The following FHIT variants were observed in gnomAD, a reference collection of about 807,000 sequenced individuals.
FHIT encodes the protein fragile histidine triad diadenosine triphosphatase.
Under a neutral mutation model 17.9 loss-of-function variants are expected in FHIT, and 19 were observed. The observed-to-expected ratio is 1.06, with a 90% CI of 0.74 to 1.56. The LOEUF (loss-of-function observed/expected upper bound fraction) is 1.56, where lower values mean the gene tolerates loss of function less well. Among genes scored for constraint, FHIT ranks in the 40% most tolerant of loss-of-function variants. FHIT has a pLI of 0.00. For missense variants in FHIT, 248 were observed against 189.2 expected (o/e 1.31, Z -1.82); for synonymous variants, 81 against 69.7 (o/e 1.16, Z -0.81).
At chr3:60,477,976 G>T (rs80147986) in intron 5 of FHIT, among the ~76,000 whole-genome samples, 6 of 152,266 alleles carry the variant, frequency 3.9e-5, no homozygotes, top group South Asian at 2.1e-4. Context: ...ATAGAGAAGC[G>T]TGGAGATTCT....
intron 1 of FHIT, among the ~76,000 whole-genome samples, chr3:61,202,184 G>A (rs915816864): frequency 2.6e-5 from 4 of 152,064 alleles, no homozygotes; most frequent in Non-Finnish European, 4.4e-5. Context: ...CCAACCATCT[G>A]GGAAGTGAGG....
rs759923525 is a variant in FHIT at position 59,929,717 on chromosome 3, A to G, written c.280-7303T>C. On this transcript the variant is annotated intron_variant, in intron 7 of 9. Transcript: ENST00000492590. ...CAATAAGATTGTTTCCATTTGCTGA[A>G]TATCAACATCAAAAACTTACAGCAT... Among the ~76,000 whole-genome samples, 134 of 152,158 alleles carry G rather than the reference A, an allele frequency of 8.8e-4. 2 individuals carry two copies. Among genetic ancestry groups the G allele is most frequent in the South Asian group, 2.1e-4 (1 of 4,828 alleles).
intron 5 of FHIT, among the ~76,000 whole-genome samples, chr3:60,189,224 A>G (rs780766418): frequency 6.6e-6 from 1 of 151,316 alleles, no homozygotes; most frequent in Non-Finnish European, 1.5e-5. Context: ...CAGGTGTTCA[A>G]TTTAGAAGCT....
At chr3:59,935,774 GATGA>G (rs1047665100) in intron 7 of FHIT, among the ~76,000 whole-genome samples, 2 of 151,926 alleles carry the variant, frequency 1.3e-5, no homozygotes, top group African/African-American at 2.4e-5. Flanking sequence ...TGCATGGATG[GATGA>G]ATGGATGGTT....
chr3:60,536,826 A>G, intron 5 of FHIT, 34 bp downstream of exon 5: 1 of 1,567,218 alleles, frequency 6.4e-7, no homozygotes, highest in South Asian at 1.2e-5. Flanking sequence ...GAAGACTTTT[A>G]TTTTCCCTCT....
intron 2 of FHIT, among the ~76,000 whole-genome samples, chr3:61,076,989 T>C (rs115505444): frequency 6.6e-6 from 1 of 152,156 alleles, no homozygotes; most frequent in Non-Finnish European, 1.5e-5. Context: ...GGTGTGTAAA[T>C]ACCTAACCAA....
intron 5 of FHIT, among the ~76,000 whole-genome samples, chr3:60,107,501 T>G (rs1467651052): frequency 6.6e-6 from 1 of 152,098 alleles, no homozygotes; most frequent in Non-Finnish European, 1.5e-5. Context: ...AGAGGGAACA[T>G]GATGGGTGGA....
intron 2 of FHIT, among the ~76,000 whole-genome samples, chr3:61,076,269 G>C (rs144603520): frequency 6.6e-6 from 1 of 152,268 alleles, no homozygotes; most frequent in East Asian, 1.9e-4. Context: ...TCCCCATAGA[G>C]AAAATAAGCC....
chr3:60,254,516 A>G (rs1359854949), intron 5 of FHIT, among the ~76,000 whole-genome samples: 3 of 152,212 alleles, frequency 2.0e-5, no homozygotes, highest in Admixed American at 6.5e-5. Flanking sequence ...AATACATAAT[A>G]TAACTGGATT....
At chr3:60,245,845 C>T (rs1290960547) in intron 5 of FHIT, among the ~76,000 whole-genome samples, 2 of 151,862 alleles carry the variant, frequency 1.3e-5, no homozygotes, top group Non-Finnish European at 2.9e-5. Context: ...ATTATCTGGG[C>T]ATTAACAAGA....
At chr3:60,863,727 T>C (rs1300684496) in intron 3 of FHIT, among the ~76,000 whole-genome samples, 4 of 152,186 alleles carry the variant, frequency 2.6e-5, no homozygotes, top group African/African-American at 9.7e-5. Context: ...TAACAGCTCA[T>C]AATGGAAGTG....
chr3:59,866,763 A>C (rs528486244), intron 8 of FHIT, among the ~76,000 whole-genome samples: 2 of 151,800 alleles, frequency 1.3e-5, no homozygotes, highest in South Asian at 4.1e-4. Flanking sequence ...AATAATTGCC[A>C]CTTCTGTAGA....
intron 5 of FHIT, among the ~76,000 whole-genome samples, chr3:60,156,857 C>A (rs955046966): frequency 2.0e-5 from 3 of 152,068 alleles, no homozygotes. Flanking sequence ...ACTCTGTCCT[C>A]TTGGCAACAA....
rs74936849 is a variant in FHIT, at chr3:61,201,489, G to A, written c.-212-824C>T. ...GGCTAGGTCCTAACATCTCCGAAAG[G>A]TGCAGTAGTTGGGGATAGACAGCTA... On this transcript the variant is annotated intron_variant, in intron 1 of 9. Transcript: ENST00000492590. 4.6e-3 allele frequency among the ~76,000 whole-genome samples: 698 copies of A among 152,220 alleles called. 1 individual carries two copies. Among genetic ancestry groups the A allele is most frequent in the Non-Finnish European group, 7.3e-3 (495 of 68,004 alleles).
intron 7 of FHIT, among the ~76,000 whole-genome samples, chr3:59,975,342 A>C (rs1708362082): frequency 6.6e-6 from 1 of 152,146 alleles, no homozygotes; most frequent in African/African-American, 2.4e-5. Context: ...TCTGTGTCCC[A>C]AGTGGCTACC....
At chr3:59,771,252 T>A (rs573635311) in intron 8 of FHIT, among the ~76,000 whole-genome samples, 1 of 152,098 alleles carries the variant, frequency 6.6e-6, no homozygotes, top group Admixed American at 6.5e-5. Flanking sequence ...CAAGATGTCA[T>A]AATAGATGGA....
At chr3:60,551,965 C>T (rs545084004) in intron 4 of FHIT, among the ~76,000 whole-genome samples, 2 of 152,032 alleles carry the variant, frequency 1.3e-5, no homozygotes, top group Middle Eastern at 3.2e-3. Context: ...AAAAGAGAAA[C>T]CATTTCCTTT....
intron 8 of FHIT, among the ~76,000 whole-genome samples, chr3:59,884,121 T>A (rs1343577968): frequency 1.3e-5 from 2 of 152,226 alleles, no homozygotes; most frequent in African/African-American, 4.8e-5. Context: ...TTATTCCTTA[T>A]CTGAATTTTC....
chr3:59,921,205 T>C (rs1705384613), intron 8 of FHIT, among the ~76,000 whole-genome samples: 1 of 152,218 alleles, frequency 6.6e-6, no homozygotes, highest in Admixed American at 6.5e-5. Flanking sequence ...ACATTAATTA[T>C]ACGTTTCATT....
Sources: gnomAD v4.1 joint callset for allele counts (sites outside exome capture counted in the v4.1 genomes callset) on GRCh38, gnomAD v4.1.1 for gene constraint, MANE v1.5 for transcripts, NCBI Gene and HGNC (gene_info 2026-07-23, HGNC 2026-07-21) for gene names.